FBXL2: variants seen among roughly 807,000 people sequenced by gnomAD.
FBXL2 encodes F-box and leucine rich repeat protein 2, also known as F-box/LRR-repeat protein 2.
Under a neutral mutation model 69.2 loss-of-function variants are expected in FBXL2, and 38 were observed. The observed-to-expected ratio is 0.55, with a 90% CI of 0.42 to 0.72. The LOEUF (loss-of-function observed/expected upper bound fraction) is 0.72. Among genes scored for constraint, FBXL2 ranks in the 30% least tolerant of loss-of-function variants. FBXL2 has a pLI of 0.00. For synonymous variants in FBXL2, 192 were observed against 201.3 expected (o/e 0.95, Z 0.39); for missense variants, 354 against 520.3 (o/e 0.68, Z 3.11).
chr3:33,356,633 C>T (rs1054168482), intron 2 of FBXL2, among the ~76,000 whole-genome samples: 5 of 152,082 alleles, frequency 3.3e-5, no homozygotes, highest in Non-Finnish European at 5.9e-5. Context: ...CAGGTGTGAG[C>T]CACTGTGCCC....
chr3:33,379,557 G>A (rs1255833046), intron 13 of FBXL2, among the ~76,000 whole-genome samples: 2 of 151,214 alleles, frequency 1.3e-5, no homozygotes, highest in Admixed American at 1.3e-4. Context: ...GTTTCACCAT[G>A]TTGGCCTGGC....
chr3:33,289,727 A>G lies in FBXL2; in HGVS notation c.4-7937A>G, dbSNP rs540497413. On this transcript the variant is annotated intron_variant, in intron 1 of 14. Coordinates refer to ENST00000484457, the MANE Select transcript of FBXL2 (RefSeq NM_012157.5). ...TGCCAACTTTTCCCATGGGCCTTCA[A>G]TTAGTACATTGGAATAGGAGTTCGG... 318 of 985,422 alleles carry G rather than the reference A, an allele frequency of 3.2e-4. 5 individuals carry two copies. In the South Asian group the frequency reaches 0.014, roughly 42 times the overall value. The allele number at this position is 985,422 out of a possible 1,614,324, so 61.0% of individuals were successfully genotyped here.
the FBXL2 span, among the ~76,000 whole-genome samples, chr3:33,418,491 T>G: frequency 1.3e-5 from 2 of 151,826 alleles, no homozygotes; most frequent in Non-Finnish European, 2.9e-5. Context: ...ACTCCTGACC[T>G]CGGGTGATTC....
intron 8 of FBXL2, 50 bp from the exon 9 acceptor site, chr3:33,373,797 T>C (rs748091758): frequency 1.9e-6 from 3 of 1,613,778 alleles, no homozygotes; most frequent in Non-Finnish European, 1.7e-6. Flanking sequence ...GGTGTCCCAC[T>C]GTTCCCTCAC....
At chr3:33,406,691 C>G (rs943932805), downstream of FBXL2, among the ~76,000 whole-genome samples, 4 of 152,180 alleles carry the variant, frequency 2.6e-5, no homozygotes, top group Admixed American at 1.3e-4. Flanking sequence ...GGTGCAGTGC[C>G]TATGCTCCTG....
At chr3:33,341,855 AG>A in intron 2 of FBXL2, among the ~76,000 whole-genome samples, 2 of 129,322 alleles carry the variant, frequency 1.5e-5, no homozygotes, top group Non-Finnish European at 1.7e-5. Context: ...AAAAAAAAAA[AG>A]GACAGGTGAA....
At chr3:33,403,816 T>A (rs1342562739), downstream of FBXL2, among the ~76,000 whole-genome samples, 1 of 152,212 alleles carries the variant, frequency 6.6e-6, no homozygotes, top group African/African-American at 2.4e-5. Flanking sequence ...CATCACATGG[T>A]GTGATTTCAC....
intron 1 of FBXL2, among the ~76,000 whole-genome samples, chr3:33,279,185 C>G (rs1013009453): frequency 6.6e-6 from 1 of 152,090 alleles, no homozygotes; most frequent in African/African-American, 2.4e-5. Context: ...GATAAGGTGT[C>G]CAGGCTTCCA....
chr3:33,334,328 T>G (rs1051987171), intron 2 of FBXL2, among the ~76,000 whole-genome samples: 8 of 152,128 alleles, frequency 5.3e-5, no homozygotes, highest in African/African-American at 1.9e-4. Flanking sequence ...ATTGAAGAGA[T>G]GAGATATTTC....
rs540814005 is a variant in FBXL2, at chr3:33,393,163, A to G, written n.1214+7435A>G. 1.7e-4 allele frequency: 155 copies of G among 893,594 alleles called. No homozygotes were observed. The East Asian group carries it at 4.2e-3, about 24-fold the overall frequency. The allele number at this position is 893,594 out of a possible 1,614,324, so 55.4% of individuals were successfully genotyped here. On this transcript the variant is annotated intron_variant and non_coding_transcript_variant, in intron 12 of 12. Coordinates refer to the FBXL2 transcript ENST00000463736. ...ACTAGGATGCCTGAAACTCTTGGTT[A>G]TAAGTTCTTCCAAAGTGATTCCCAA...
intron 12 of FBXL2, chr3:33,400,397 T>C: frequency 1.4e-6 from 1 of 712,470 alleles, no homozygotes; most frequent in South Asian, 2.0e-5. Flanking sequence ...AGAGCATGAG[T>C]CTGACTCCAG....
chr3:33,336,057 C>A (rs1559560573), intron 2 of FBXL2, among the ~76,000 whole-genome samples: 1 of 152,048 alleles, frequency 6.6e-6, no homozygotes, highest in Admixed American at 6.5e-5. Flanking sequence ...TTAATCATAA[C>A]CCTAGCAGAG....
At chr3:33,317,991 T>A (rs562389892) in intron 2 of FBXL2, among the ~76,000 whole-genome samples, 1 of 152,308 alleles carries the variant, frequency 6.6e-6, no homozygotes, top group African/African-American at 2.4e-5. Flanking sequence ...TAGTTGATAA[T>A]CACAGCATGT....
At chr3:33,308,709 T>C (rs1001643238) in intron 2 of FBXL2, among the ~76,000 whole-genome samples, 1 of 152,182 alleles carries the variant, frequency 6.6e-6, no homozygotes, top group Non-Finnish European at 1.5e-5. Flanking sequence ...TTTTTTGATG[T>C]TGGTGTTTAA....
intron 2 of FBXL2, among the ~76,000 whole-genome samples, chr3:33,326,380 G>T: frequency 6.6e-6 from 1 of 152,018 alleles, no homozygotes; most frequent in East Asian, 1.9e-4. Flanking sequence ...GCAGGCACCT[G>T]TAGTCCCAGC....
chr3:33,409,989 A>G, the FBXL2 span, among the ~76,000 whole-genome samples: 1 of 152,220 alleles, frequency 6.6e-6, no homozygotes, highest in Non-Finnish European at 1.5e-5. Context: ...TTCATTGTTT[A>G]GAGCTTCTGT....
chr3:33,375,107 T>G (rs911872677), intron 9 of FBXL2, among the ~76,000 whole-genome samples, 181 bp from the exon 10 acceptor site: 5 of 152,244 alleles, frequency 3.3e-5, no homozygotes, highest in African/African-American at 1.2e-4. Context: ...CTGAAATATT[T>G]TAAAGCTGTG....
the FBXL2 span, among the ~76,000 whole-genome samples, chr3:33,413,493 G>A: frequency 2.1e-5 from 3 of 143,082 alleles, no homozygotes; most frequent in South Asian, 2.2e-4. Context: ...CTTGCAGTGA[G>A]CCAAGTTCGC....
intron 2 of FBXL2, among the ~76,000 whole-genome samples, chr3:33,322,187 C>T (rs528057395): frequency 2.7e-5 from 4 of 147,700 alleles, no homozygotes; most frequent in East Asian, 2.1e-4. Context: ...ACAGCATTCT[C>T]CTGCCTCAGC....
Sources: allele counts gnomAD v4.1 joint callset (sites outside exome capture counted in the v4.1 genomes callset), GRCh38; gene constraint gnomAD v4.1.1; transcripts MANE v1.5; gene names NCBI Gene and HGNC (gene_info 2026-07-23, HGNC 2026-07-21).